SLK: variants seen among roughly 807,000 people sequenced by gnomAD.
SLK encodes the protein STE20-like serine/threonine-protein kinase.
In SLK, 67 loss-of-function variants were observed where a neutral mutation model predicts 147.7. The ratio of observed to expected loss-of-function variants is 0.45; its 90% CI spans 0.37 to 0.56. The LOEUF (loss-of-function observed/expected upper bound fraction) is 0.56. SLK is among the 20% of genes least tolerant of loss of function. SLK has a pLI of 0.00. For missense variants in SLK, 1,136 were observed against 1,438.8 expected (o/e 0.79, Z 3.41); for synonymous variants, 441 against 475.0 (o/e 0.93, Z 0.93).
chr10:103,967,966 T>A (rs1589521322), intron 1 of SLK, 71 bp downstream of exon 1: 1 of 1,495,230 alleles, frequency 6.7e-7, no homozygotes, highest in East Asian at 2.3e-5. Flanking sequence ...GCGGGAGGAC[T>A]TCTGCTCCCC....
At chr10:104,025,437 A>G (rs1844585196) in intron 18 of SLK, 137 bp from the exon 19 acceptor site, 4 of 763,214 alleles carry the variant, frequency 5.2e-6, no homozygotes, top group Non-Finnish European at 8.2e-6. Context: ...ATGATCTTAA[A>G]AAATTGAGCA....
chr10:103,988,553 C>T (rs569957112), intron 1 of SLK, among the ~76,000 whole-genome samples: 83 of 152,154 alleles, frequency 5.5e-4, no homozygotes, highest in Non-Finnish European at 9.3e-4. Flanking sequence ...TGGGTTTCAA[C>T]CTCCAGCAGA....
Position 104,003,193 on chromosome 10 carries a change from C to A in SLK, c.2015C>A (p.Ala672Asp), listed in dbSNP as rs751303768. ...QKALGSEVQD[A>D]SKVTTQIDKE... ...GCTTTAGGAAGTGAAGTTCAGGATG[C>A]TTCTAAAGTCACTACTCAGATAGAT... Residue 672 changes from alanine (A) to aspartate (D), a missense_variant, in exon 9 of 19, where the codon GCT (alanine) becomes GAT (aspartate). Physicochemically the swap from Ala to Asp is moderately radical, Grantham distance 126. Around this residue, in one of 6 missense-constraint regions of SLK, gnomAD observed 516 missense variants for 531.3 expected, o/e 0.97. Coordinates refer to ENST00000369755, the MANE Select transcript of SLK (RefSeq NM_014720.4). The A allele has an allele frequency of 5.0e-6, 8 of 1,613,796 alleles. No individual in the cohort carries two copies. In the South Asian group the frequency reaches 8.8e-5, roughly 18 times the overall value.
At chr10:104,007,186 CTTTGA>C (rs1473978762) in intron 11 of SLK, among the ~76,000 whole-genome samples, 1 of 152,006 alleles carries the variant, frequency 6.6e-6, no homozygotes, top group Non-Finnish European at 1.5e-5. Flanking sequence ...CAAATAAGCT[CTTTGA>C]TTTATCAAAA....
chr10:103,976,451 G>A (rs1189434594), intron 1 of SLK, among the ~76,000 whole-genome samples: 1 of 151,812 alleles, frequency 6.6e-6, no homozygotes, highest in African/African-American at 2.4e-5. Context: ...AATGTTTTTT[G>A]TTAGCCATTC....
At position 104,005,928 on chromosome 10, in the gene SLK, G is replaced by T. The variant is rs1309945978; in HGVS notation, c.2497G>T (p.Glu833Ter). ...TTTTATCAGACGTCAGGAACTTCGG[G>T]AATTAAGATTTCTTCAGAAAGAAGA... Reference protein sequence around the residue: ...LRFLRRQELRELRFLQKEEQR... With the variant: ...LRFLRRQELR The change falls in exon 11 of 19, where the codon GAA becomes TAA. Residue 833 changes from glutamate to a stop codon, truncating the protein, a stop_gained. Coordinates refer to ENST00000369755, the MANE Select transcript of SLK (RefSeq NM_014720.4). LOFTEE classifies it high-confidence loss of function. The T allele has an allele frequency of 6.2e-7, 1 of 1,609,658 alleles. No homozygotes were observed. Among genetic ancestry groups the T allele is most frequent in the African/African-American group, 1.3e-5 (1 of 74,506 alleles).
chr10:103,979,548 A>G (rs147511036), intron 1 of SLK, among the ~76,000 whole-genome samples: 9 of 152,288 alleles, frequency 5.9e-5, no homozygotes, highest in Admixed American at 5.9e-4. Flanking sequence ...ATTAACCTTG[A>G]TAGAATCTTT....
At chr10:104,000,238 C>T (rs112140739) in intron 7 of SLK, among the ~76,000 whole-genome samples, 2,032 of 151,914 alleles carry the variant, frequency 0.013, 33 homozygotes, top group African/African-American at 0.037. Context: ...GGACAGGGGC[C>T]GTGAACTAAT....
chr10:103,989,879 C>T (rs1450801629), intron 1 of SLK, among the ~76,000 whole-genome samples: 3 of 152,148 alleles, frequency 2.0e-5, no homozygotes, highest in Non-Finnish European at 4.4e-5. Flanking sequence ...CACAGAAACC[C>T]GCACATACAT....
Position 104,003,162 on chromosome 10 carries a change from C to G in SLK, c.1984C>G (p.Gln662Glu), listed in dbSNP as rs1339423539. Residue 662 changes from glutamine to glutamate, a missense_variant, in exon 9 of 19, where the codon CAA (glutamine) becomes GAA (glutamate). Physicochemically the swap from Gln to Glu is conservative, Grantham distance 29. Around this residue, in one of 6 missense-constraint regions of SLK, gnomAD observed 516 missense variants for 531.3 expected, o/e 0.97. Transcript: ENST00000369755. Reference sequence around the variant, plus strand: ...CAGAAGTGTGGTGGCTGATACTGACCAAAAGGCTTTAGGAAGTGAAGTTCA... The same window carrying G: ...CAGAAGTGTGGTGGCTGATACTGACGAAAAGGCTTTAGGAAGTGAAGTTCA... Reference protein sequence around the residue: ...EVRSVVADTDQKALGSEVQDA... With the variant: ...EVRSVVADTDEKALGSEVQDA... 2 of 1,613,808 alleles carry G rather than the reference C, an allele frequency of 1.2e-6. No homozygotes were observed. The highest frequency in any genetic ancestry group is 1.7e-6 in the Non-Finnish European group (2 of 1,179,968).
intron 14 of SLK, 142 bp downstream of exon 14, chr10:104,018,431 A>T: frequency 1.3e-6 from 1 of 769,138 alleles, no homozygotes; most frequent in Non-Finnish European, 2.1e-6. Context: ...TGTACTCATT[A>T]TGCCTTATAG....
chr10:103,985,602 A>G (rs973029219), intron 1 of SLK, among the ~76,000 whole-genome samples: 9 of 152,082 alleles, frequency 5.9e-5, no homozygotes, highest in African/African-American at 1.4e-4. Flanking sequence ...TTTATCTTAC[A>G]TATTTTTTGT....
At chr10:103,983,508 G>T (rs1436889998) in intron 1 of SLK, among the ~76,000 whole-genome samples, 1 of 152,152 alleles carries the variant, frequency 6.6e-6, no homozygotes, top group East Asian at 1.9e-4. Context: ...AAAGACTGCA[G>T]ATCACATTTC....
chr10:103,998,926 C>A lies in SLK; in HGVS notation c.542C>A (p.Thr181Lys), dbSNP rs760767657. 6.2e-7 allele frequency: 1 copy of A among 1,611,728 alleles called. No individual in the cohort carries two copies. The highest frequency in any genetic ancestry group is 1.1e-5 in the South Asian group (1 of 90,948). ...LADFGVSAKNTRTIQRRDSFI... is the reference protein window; with the variant it reads ...LADFGVSAKNKRTIQRRDSFI... ...GATTTTGGAGTATCAGCTAAAAACA[C>A]GAGGACAATTCAAAGAAGAGATTCC... Residue 181 changes from threonine to lysine, a missense_variant, in exon 5 of 19, where the codon ACG (threonine) becomes AAG (lysine). By Grantham distance (78) the Thr-to-Lys change is moderately conservative. Coordinates refer to ENST00000369755, the MANE Select transcript of SLK (RefSeq NM_014720.4).
At chr10:103,989,803 T>C (rs1037363268) in intron 1 of SLK, among the ~76,000 whole-genome samples, 13 of 152,072 alleles carry the variant, frequency 8.5e-5, no homozygotes, top group African/African-American at 2.9e-4. Context: ...CTAAACATAC[T>C]CTTACGATAT....
intron 4 of SLK, among the ~76,000 whole-genome samples, chr10:103,997,043 G>A (rs921652940): frequency 6.6e-6 from 1 of 151,954 alleles, no homozygotes; most frequent in Admixed American, 6.6e-5. Flanking sequence ...TCATCTTGCA[G>A]CAGTTAAAGT....
chr10:104,007,431 C>A (rs567603382), intron 11 of SLK, among the ~76,000 whole-genome samples: 2 of 151,998 alleles, frequency 1.3e-5, no homozygotes, highest in African/African-American at 4.8e-5. Context: ...CATGGTAAAA[C>A]CCCGTCTCTA....
At chr10:104,015,243 G>T (rs1377718830) in intron 13 of SLK, among the ~76,000 whole-genome samples, 1 of 152,162 alleles carries the variant, frequency 6.6e-6, no homozygotes. Context: ...CTAATTGTTA[G>T]GACTTGTATA....
rs1844629150 is a variant in SLK at position 104,028,716 on chromosome 10, T to G, written c.*2996T>G. ...TGACTATTTTTTTGTACTCTTCTAG[T>G]TTCCTTGTAACTATACACTTTTTCC... On this transcript the variant is annotated 3_prime_UTR_variant, in exon 19 of 19. Coordinates refer to ENST00000369755, the MANE Select transcript of SLK (RefSeq NM_014720.4). 1 of 152,202 alleles carries G rather than the reference T, an allele frequency of 6.6e-6. No homozygotes were observed. Among genetic ancestry groups the G allele is most frequent in the Non-Finnish European group, 1.5e-5 (1 of 68,042 alleles). 9.4% of individuals were successfully genotyped at this position (152,202 alleles called of 1,614,324 possible). A position where few individuals can be genotyped will look rare whatever the true frequency, so the allele number is the denominator to read the frequency against.
Sources: gnomAD v4.1 joint callset for allele counts (sites outside exome capture counted in the v4.1 genomes callset) on GRCh38, gnomAD v4.1.1 for gene constraint, gnomAD v4.1.1 regional missense constraint, MANE v1.5 for transcripts, NCBI Gene and HGNC (gene_info 2026-07-23, HGNC 2026-07-21) for gene names.